The following AKAP11 variants were observed in gnomAD, a reference collection of about 807,000 sequenced individuals.
The protein encoded by AKAP11 is A-kinase anchoring protein 11, also known as A-kinase anchor protein 11.
A neutral mutation model predicts 146.1 loss-of-function variants in AKAP11; 36 were observed. That is an observed-to-expected ratio of 0.25 (90% CI 0.19 to 0.33). The LOEUF is 0.33. Ranked by LOEUF, AKAP11 falls within the 10% of genes least tolerant of loss-of-function variation. AKAP11 has a pLI of 1.00. For synonymous variants in AKAP11, 780 were observed against 786.5 expected (o/e 0.99, Z 0.14); for missense variants, 2,201 against 2,197.0 (o/e 1.00, Z -0.04).
chr13:42,278,514 A>G (rs974308381), intron 1 of AKAP11, among the ~76,000 whole-genome samples: 7 of 152,178 alleles, frequency 4.6e-5, no homozygotes, highest in Non-Finnish European at 8.8e-5. Flanking sequence ...GGTTTTCTTC[A>G]AATAACATCA....
At chr13:42,306,134 A>G (rs1960243665) in intron 8 of AKAP11, among the ~76,000 whole-genome samples, 1 of 152,242 alleles carries the variant, frequency 6.6e-6, no homozygotes, top group Non-Finnish European at 1.5e-5. Flanking sequence ...CCTCTGTCCT[A>G]GATCCACATT....
Position 42,298,678 on chromosome 13 carries a change from T to C in AKAP11, c.497T>C (p.Leu166Pro), listed in dbSNP as rs140243487. 1.4e-5 allele frequency: 23 copies of C among 1,611,748 alleles called. No homozygotes were observed. The highest frequency in any genetic ancestry group is 6.7e-5 in the Admixed American group (4 of 59,298). The change falls in exon 7 of 13, where the codon CTT becomes CCT. Residue 166 changes from leucine (L) to proline (P), a missense_variant. Transcript: ENST00000025301. ...ACATTCTTGCATCAGAAGCACCAAC[T>C]TGAGACCACTGATGAAGATGATGAT... ...LDTFLHQKHQLETTDEDDDDT... is the reference protein window; with the variant it reads ...LDTFLHQKHQPETTDEDDDDT...
chr13:42,280,550 A>G (rs1959036891), intron 1 of AKAP11, among the ~76,000 whole-genome samples: 1 of 152,166 alleles, frequency 6.6e-6, no homozygotes, highest in South Asian at 2.1e-4. Flanking sequence ...TAAATATGTT[A>G]CTTTTTATTT....
intron 7 of AKAP11, among the ~76,000 whole-genome samples, chr13:42,299,123 C>T (rs1193764441): frequency 2.0e-5 from 3 of 152,040 alleles, no homozygotes; most frequent in Non-Finnish European, 2.9e-5. Context: ...TTCTAACATG[C>T]GTGACAGCAT....
chr13:42,283,299 T>G (rs920058342), intron 1 of AKAP11, among the ~76,000 whole-genome samples: 1 of 152,250 alleles, frequency 6.6e-6, no homozygotes, highest in Admixed American at 6.5e-5. Context: ...AATATAGAAT[T>G]AAACTGTTTC....
intron 3 of AKAP11, among the ~76,000 whole-genome samples, chr13:42,288,562 C>A (rs1182780579): frequency 6.6e-6 from 1 of 152,150 alleles, no homozygotes; most frequent in Non-Finnish European, 1.5e-5. Flanking sequence ...AAATAAATTC[C>A]CATATATCTA....
In AKAP11 at chr13:42,300,504, A is replaced by G. The variant is rs756130078; in HGVS notation, c.1758A>G (p.Lys586=). The G allele has an allele frequency of 1.3e-5, 21 of 1,614,122 alleles. No individual in the cohort carries two copies. The highest frequency in any genetic ancestry group is 3.3e-4 in the Middle Eastern group (2 of 6,060). Residue 586 remains lysine, a synonymous_variant, in exon 8 of 13, where the codon AAA becomes AAG. Transcript: ENST00000025301. The part of the protein sequence containing the change: ...CTNALYHLAI[K]LTSSVLQMAF... ...ATGCTTTGTACCACTTAGCCATCAA[A>G]TTGACATCATCTGTTTTGCAGATGG...
rs756797981 is a variant in AKAP11, at chr13:42,303,313, A to G, written c.4567A>G (p.Ser1523Gly). The stretch of plus-strand genomic sequence containing the variant: ...CTCACAAAATCACAGGTTTTACCAC[A>G]GCACTGGCAGTTTAAATGGATATGG... ...PSSQNHRFYH[S>G]TGSLNGYGCG... The change falls in exon 8 of 13, where the codon AGC becomes GGC. Residue 1523 changes from serine (S) to glycine (G), a missense_variant. Ser to Gly is a moderately conservative substitution (Grantham distance 56, BLOSUM62 0). Around this residue, in one of 3 missense-constraint regions of AKAP11, gnomAD observed 1,867 missense variants for 1,833.5 expected, o/e 1.02. Transcript: ENST00000025301. The G allele has an allele frequency of 1.4e-5, 22 of 1,612,736 alleles. No homozygotes were observed. The South Asian group carries it at 2.4e-4, about 18-fold the overall frequency.
chr13:42,318,770 G>T lies in AKAP11; in HGVS notation c.5566-318G>T, dbSNP rs536292590. Among the ~76,000 whole-genome samples the T allele has an allele frequency of 2.6e-5, 4 of 152,224 alleles. No homozygotes were observed. The East Asian group carries it at 5.8e-4, about 22-fold the overall frequency. ...GGGTGTGGCAGTTGTATTTAGTTAG[G>T]TGAAGAATTTCCTGTAGAAACTCAG... On this transcript the variant is annotated intron_variant, in intron 12 of 12. Coordinates refer to ENST00000025301, the MANE Select transcript of AKAP11 (RefSeq NM_016248.4).
At chr13:42,296,517 A>C (rs1959525362) in intron 5 of AKAP11, among the ~76,000 whole-genome samples, 1 of 152,152 alleles carries the variant, frequency 6.6e-6, no homozygotes, top group Non-Finnish European at 1.5e-5. Context: ...ATATTTGTGT[A>C]TAAAGGGCAA....
intron 1 of AKAP11, among the ~76,000 whole-genome samples, chr13:42,275,312 ACT>A (rs1386088940): frequency 3.9e-4 from 60 of 152,208 alleles, no homozygotes; most frequent in Non-Finnish European, 1.5e-5. Context: ...CATCAGACTC[ACT>A]GACTATGCAA....
At chr13:42,284,688 A>G (rs1441137150) in intron 1 of AKAP11, among the ~76,000 whole-genome samples, 1 of 152,208 alleles carries the variant, frequency 6.6e-6, no homozygotes, top group African/African-American at 2.4e-5. Context: ...TCTCACAGTA[A>G]ACTTCTCTGG....
At chr13:42,289,096 CT>C (rs1012266465) in intron 3 of AKAP11, among the ~76,000 whole-genome samples, 4 of 152,092 alleles carry the variant, frequency 2.6e-5, no homozygotes, top group African/African-American at 7.2e-5. Flanking sequence ...TGCAAATATC[CT>C]TTTTTTCCCC....
At chr13:42,286,595 A>G (rs568131870) in intron 3 of AKAP11, among the ~76,000 whole-genome samples, 196 bp downstream of exon 3, 3 of 152,336 alleles carry the variant, frequency 2.0e-5, no homozygotes, top group African/African-American at 4.8e-5. Flanking sequence ...TTTCCTAAAG[A>G]TCACAGTGCT....
Position 42,279,826 on chromosome 13 carries a change from G to A in AKAP11, c.-99-6160G>A, listed in dbSNP as rs757225773. Among the ~76,000 whole-genome samples the A allele has an allele frequency of 3.9e-5, 6 of 152,170 alleles. No individual in the cohort carries two copies. The South Asian group carries it at 1.0e-3, about 26-fold the overall frequency. Reference sequence around the variant, plus strand: ...TTACTGAAGTGTGTTGGATTTAGTTGGGGTGCACAGTTACTTGGAATCTGT... The same window carrying A: ...TTACTGAAGTGTGTTGGATTTAGTTAGGGTGCACAGTTACTTGGAATCTGT... On this transcript the variant is annotated intron_variant, in intron 1 of 12. Transcript: ENST00000025301.
In AKAP11 at chr13:42,300,323, T is replaced by C. The variant is rs140794776; in HGVS notation, c.1577T>C (p.Val526Ala). Residue 526 changes from valine (V) to alanine (A), a missense_variant, in exon 8 of 13, where the codon GTA (valine) becomes GCA (alanine). Transcript: ENST00000025301. ...ATTAAACATGGAGAAAATAAAACTGTAACTTTTAAGCATGGAAACCTTGAT... is the reference window on the plus strand; with the variant it reads ...ATTAAACATGGAGAAAATAAAACTGCAACTTTTAAGCATGGAAACCTTGAT... ...NSIKHGENKT[V>A]TFKHGNLDQK... 9 of 1,611,124 alleles carry C rather than the reference T, an allele frequency of 5.6e-6. No homozygotes were observed. Among genetic ancestry groups the C allele is most frequent in the African/African-American group, 1.3e-5 (1 of 74,762 alleles).
At position 42,301,320 on chromosome 13, in the gene AKAP11, A is replaced by C. The variant is rs1959886834; in HGVS notation, c.2574A>C (p.Glu858Asp). ...NDFKPTNDDI[E>D]MQSSSKLPND... ...TTAAACCAACTAATGACGATATTGA[A>C]ATGCAGAGTTCCTCAAAATTACCAA... is the stretch of plus-strand genomic sequence containing the variant. The change falls in exon 8 of 13, where the codon GAA becomes GAC. Residue 858 changes from glutamate to aspartate, a missense_variant. By Grantham distance (45) the Glu-to-Asp change is conservative. Coordinates refer to ENST00000025301, the MANE Select transcript of AKAP11 (RefSeq NM_016248.4). 1 of 1,613,864 alleles carries C rather than the reference A, an allele frequency of 6.2e-7. No homozygotes were observed. The highest frequency in any genetic ancestry group is 1.3e-5 in the African/African-American group (1 of 74,928).
intron 1 of AKAP11, among the ~76,000 whole-genome samples, chr13:42,281,779 G>A (rs941983741): frequency 4.6e-5 from 7 of 151,900 alleles, no homozygotes; most frequent in Non-Finnish European, 7.4e-5. Flanking sequence ...ATGCTAATAT[G>A]CCAGAACCTG....
chr13:42,291,510 G>A (rs1481509350), intron 3 of AKAP11, among the ~76,000 whole-genome samples: 3 of 152,154 alleles, frequency 2.0e-5, no homozygotes, highest in African/African-American at 7.2e-5. Flanking sequence ...GCCTCCCAAA[G>A]TGCTGGGATT....
Sources: gnomAD v4.1 joint callset for allele counts (sites outside exome capture counted in the v4.1 genomes callset) on GRCh38, gnomAD v4.1.1 for gene constraint, gnomAD v4.1.1 regional missense constraint, MANE v1.5 for transcripts, NCBI Gene and HGNC (gene_info 2026-07-23, HGNC 2026-07-21) for gene names.